TNS2: variants seen among roughly 807,000 people sequenced by gnomAD.
TNS2 encodes the protein tensin 2.
A neutral mutation model predicts 155.7 loss-of-function variants in TNS2; 77 were observed. The ratio of observed to expected loss-of-function variants is 0.49; its 90% CI spans 0.41 to 0.60. TNS2 has a LOEUF of 0.60. TNS2 is among the 20% of genes least tolerant of loss of function. TNS2 has a pLI of 0.00. For synonymous variants in TNS2, 726 were observed against 763.9 expected (o/e 0.95, Z 0.82); for missense variants, 1,703 against 1,868.8 (o/e 0.91, Z 1.64).
chr12:53,060,273 A>G lies in TNS2; in HGVS notation c.2617+15A>G. On this transcript the variant is annotated intron_variant, in intron 18 of 28. Coordinates refer to ENST00000314250, the MANE Select transcript of TNS2 (RefSeq NM_170754.4). The surrounding 1 kb of genome is among the most constrained non-coding windows in gnomAD (Gnocchi z 6.1). Reference sequence around the variant, plus strand: ...GGCATCTGCAGGTGAGGGGCACCAGAGTGCGGAGTGCCCAGGGCAGAGGAG... The same window carrying G: ...GGCATCTGCAGGTGAGGGGCACCAGGGTGCGGAGTGCCCAGGGCAGAGGAG... 6.5e-6 allele frequency: 10 copies of G among 1,537,656 alleles called. No homozygotes were observed. The highest frequency in any genetic ancestry group is 7.9e-6 in the Non-Finnish European group (9 of 1,141,912).
rs755272699 is a variant in TNS2, at chr12:53,061,836, A to G, written c.3470A>G (p.Lys1157Arg). 8.7e-6 allele frequency: 14 copies of G among 1,613,512 alleles called. No individual in the cohort carries two copies. In the Admixed American group the frequency reaches 1.2e-4, roughly 13 times the overall value. Residue 1157 changes from lysine (K) to arginine (R), a missense_variant, in exon 22 of 29, where the codon AAG (lysine) becomes AGG (arginine). Coordinates refer to ENST00000314250, the MANE Select transcript of TNS2 (RefSeq NM_170754.4). ...GCAGCCATTGCCCTGCTGAAGGACA[A>G]GGACCCTGGGGCCTTCCTGATCAGG... ...RDQAIALLKDKDPGAFLIRDS... is the reference protein window; with the variant it reads ...RDQAIALLKDRDPGAFLIRDS...
At chr12:53,056,756 G>A (rs905377279) in intron 10 of TNS2, among the ~76,000 whole-genome samples, 2 of 152,146 alleles carry the variant, frequency 1.3e-5, no homozygotes, top group African/African-American at 4.8e-5. Context: ...GTCTTTTGGG[G>A]GGATATAATT....
At chr12:53,048,161 A>T (rs139879234), upstream of TNS2, among the ~76,000 whole-genome samples, 2 of 152,166 alleles carry the variant, frequency 1.3e-5, no homozygotes, top group African/African-American at 4.8e-5. Flanking sequence ...TAGGGATCCC[A>T]TCCCTGCTTC....
intron 3 of TNS2, chr12:53,053,088 C>T (rs1233465122): frequency 2.5e-6 from 1 of 398,280 alleles, no homozygotes; most frequent in Admixed American, 3.7e-5. Context: ...GGGGCGGGGT[C>T]TCCCGGTGAA....
upstream of TNS2, among the ~76,000 whole-genome samples, chr12:53,047,301 G>T (rs1943756471): frequency 6.8e-6 from 1 of 146,054 alleles, no homozygotes; most frequent in African/African-American, 2.5e-5. Flanking sequence ...CGGGCGGGAT[G>T]GGCTGGCCCG....
upstream of TNS2, chr12:53,049,056 C>A (rs551729467): frequency 4.0e-5 from 38 of 947,262 alleles, no homozygotes; most frequent in East Asian, 9.1e-4. Flanking sequence ...GAAGATTACT[C>A]CCCCTTTTTC....
intron 4 of TNS2, 147 bp downstream of exon 4, chr12:53,053,596 T>TC: frequency 7.4e-7 from 1 of 1,350,740 alleles, no homozygotes; most frequent in Non-Finnish European, 1.0e-6. Flanking sequence ...GAAAAAACTG[T>TC]CTGAGTCCTC....
At position 53,063,054 on chromosome 12, in the gene TNS2, G is replaced by T; in HGVS notation, c.3824-35G>T. The T allele has an allele frequency of 6.6e-7, 1 of 1,507,674 alleles. No homozygotes were observed. Among genetic ancestry groups the T allele is most frequent in the South Asian group, 1.3e-5 (1 of 74,924 alleles). 93.4% of individuals were successfully genotyped at this position (1,507,674 alleles called of 1,614,324 possible). ...GCTGGTGGGGGTGGCTAGGGGATGGGCACTCCCTCCCTGACCCACTCCCTG... is the reference window on the plus strand; with the variant it reads ...GCTGGTGGGGGTGGCTAGGGGATGGTCACTCCCTCCCTGACCCACTCCCTG... On this transcript the variant is annotated intron_variant, in intron 25 of 28. Transcript: ENST00000314250. This position sits in a 1 kb window ranked among gnomAD's most constrained non-coding sequence, Gnocchi z 5.6.
At chr12:53,062,505 A>G in intron 24 of TNS2, 52 bp downstream of exon 24, 1 of 1,609,374 alleles carries the variant, frequency 6.2e-7, no homozygotes, top group East Asian at 2.2e-5. Context: ...CCTGCAGCCA[A>G]AGCAGGATCC....
At position 53,063,691 on chromosome 12, in the gene TNS2, C is replaced by T; in HGVS notation, c.4092-53C>T. On this transcript the variant is annotated intron_variant, in intron 28 of 28. Transcript: ENST00000314250. The surrounding 1 kb of genome is among the most constrained non-coding windows in gnomAD (Gnocchi z 5.6). ...TGATTTGTCTCACCAAGGCCAGCTA[C>T]ATTCCCTTGTGGAAGGAATGTTAAG... 6.2e-7 allele frequency: 1 copy of T among 1,614,094 alleles called. No homozygotes were observed. The highest frequency in any genetic ancestry group is 8.5e-7 in the Non-Finnish European group (1 of 1,179,950).
rs1225177216 is a variant in TNS2 at position 53,059,016 on chromosome 12, C to T, written c.1406-31C>T. 8 of 1,536,896 alleles carry T rather than the reference C, an allele frequency of 5.2e-6. No individual in the cohort carries two copies. The highest frequency in any genetic ancestry group is 1.9e-5 in the Admixed American group (1 of 52,026). The stretch of plus-strand genomic sequence containing the variant: ...TCTCTCCCTCCCTGTTCCCCGCTTG[C>T]CCTCCCTCCCTGATCCTCTTCCCCA... On this transcript the variant is annotated intron_variant, in intron 17 of 28. Transcript: ENST00000314250. This position sits in a 1 kb window ranked among gnomAD's most constrained non-coding sequence, Gnocchi z 4.7.
Position 53,063,006 on chromosome 12 carries a change from C to A in TNS2, c.3824-83C>A. ...TATGTGATTGTAAAGCATGTGACAG[C>A]AGTAGCTGGGGAATGTGCAAGAGCT... is the stretch of plus-strand genomic sequence containing the variant. On this transcript the variant is annotated intron_variant, in intron 25 of 28. Transcript: ENST00000314250. This position sits in a 1 kb window ranked among gnomAD's most constrained non-coding sequence, Gnocchi z 5.6. 6.8e-7 allele frequency: 1 copy of A among 1,462,690 alleles called. No homozygotes were observed. The highest frequency in any genetic ancestry group is 2.3e-5 in the East Asian group (1 of 43,588). The allele number at this position is 1,462,690 out of a possible 1,614,324, so 90.6% of individuals were successfully genotyped here.
intron 11 of TNS2, 41 bp downstream of exon 11, chr12:53,057,137 C>T: frequency 1.9e-6 from 3 of 1,581,600 alleles, no homozygotes; most frequent in Non-Finnish European, 2.6e-6. Flanking sequence ...GAGCAGCTCC[C>T]TTCATGGCTA....
Position 53,063,485 on chromosome 12 carries a change from A to G in TNS2, c.4061+68A>G, listed in dbSNP as rs1251731274. The G allele has an allele frequency of 3.8e-6, 6 of 1,574,672 alleles. No homozygotes were observed. The highest frequency in any genetic ancestry group is 2.3e-5 in the East Asian group (1 of 43,524). On this transcript the variant is annotated intron_variant, in intron 27 of 28. Coordinates refer to ENST00000314250, the MANE Select transcript of TNS2 (RefSeq NM_170754.4). This position sits in a 1 kb window ranked among gnomAD's most constrained non-coding sequence, Gnocchi z 5.6. ...CCACCAGGTCCCAGCTCCCAGCCCC[A>G]GCCCCAGCCCCGGCCCCGGCCCCCC...
In TNS2 at chr12:53,053,946, ACTGT is replaced by A. The variant is rs750313245; in HGVS notation, c.301-14_301-11del. ...GGGGTACCCAAAGAGATGTCTAGAC[ACTGT>A]CTGTTAACCACCAGGGATCCACCAA... On this transcript the variant is annotated splice_polypyrimidine_tract_variant and intron_variant, in intron 5 of 28. Coordinates refer to ENST00000314250, the MANE Select transcript of TNS2 (RefSeq NM_170754.4). 6.2e-7 allele frequency: 1 copy of A among 1,614,172 alleles called. No homozygotes were observed. Among genetic ancestry groups the A allele is most frequent in the Non-Finnish European group, 8.5e-7 (1 of 1,180,010 alleles).
At position 53,059,664 on chromosome 12, in the gene TNS2, G is replaced by C; in HGVS notation, c.2023G>C (p.Glu675Gln). The C allele has an allele frequency of 1.9e-6, 3 of 1,613,340 alleles. No individual in the cohort carries two copies. The highest frequency in any genetic ancestry group is 2.5e-6 in the Non-Finnish European group (3 of 1,179,926). The stretch of plus-strand genomic sequence containing the variant: ...TGGCTACCGCGCCCCAGGCTACCGG[G>C]AGGTGGTCATCCTGGAGGACCCTGG... ...DFGYRAPGYR[E>Q]VVILEDPGLP... The change falls in exon 18 of 29, where the codon GAG (glutamate) becomes CAG (glutamine). Residue 675 changes from glutamate to glutamine, a missense_variant. Transcript: ENST00000314250. This position sits in a 1 kb window ranked among gnomAD's most constrained non-coding sequence, Gnocchi z 4.7.
chr12:53,059,364 G>C lies in TNS2; in HGVS notation c.1723G>C (p.Gly575Arg), dbSNP rs948687430. 17 of 1,452,108 alleles carry C rather than the reference G, an allele frequency of 1.2e-5. No homozygotes were observed. The highest frequency in any genetic ancestry group is 1.5e-5 in the Non-Finnish European group (17 of 1,103,638). 90.0% of individuals were successfully genotyped at this position (1,452,108 alleles called of 1,614,324 possible). The change falls in exon 18 of 29, where the codon GGC becomes CGC. Residue 575 changes from glycine (G) to arginine (R), a missense_variant. By Grantham distance (125) the Gly-to-Arg change is moderately radical. Transcript: ENST00000314250. This position sits in a 1 kb window ranked among gnomAD's most constrained non-coding sequence, Gnocchi z 4.7. ...CGAAGAGCAGCCCACTGTGGGCGGA[G>C]GCCCCCACCTCGGAGTGTATCCAGG... The part of the protein sequence containing the change: ...DDEEQPTVGG[G>R]PHLGVYPGHR...
chr12:53,059,486 C>A lies in TNS2; in HGVS notation c.1845C>A (p.Thr615=). The A allele has an allele frequency of 6.4e-7, 1 of 1,561,448 alleles. No homozygotes were observed. The highest frequency in any genetic ancestry group is 8.6e-7 in the Non-Finnish European group (1 of 1,157,840). ...GGGGCTACTACCGGCCAGAGGGAAC[C>A]CTGGAGAGGAGGCGACTGGCCTACG... The part of the protein sequence containing the change: ...PNGGYYRPEG[T]LERRRLAYGG... The change falls in exon 18 of 29, where the codon ACC becomes ACA. Residue 615 remains threonine, a synonymous_variant. Coordinates refer to ENST00000314250, the MANE Select transcript of TNS2 (RefSeq NM_170754.4). This position sits in a 1 kb window ranked among gnomAD's most constrained non-coding sequence, Gnocchi z 4.7.
At chr12:53,057,503 G>A in intron 11 of TNS2, 64 bp from the exon 12 acceptor site, 1 of 1,232,876 alleles carries the variant, frequency 8.1e-7, no homozygotes, top group Non-Finnish European at 1.2e-6. Context: ...GTGGATGGTT[G>A]AAATGATACA....
Sources: gnomAD v4.1 joint callset for allele counts (sites outside exome capture counted in the v4.1 genomes callset) on GRCh38, gnomAD v4.1.1 for gene constraint, Gnocchi (gnomAD v3.1) non-coding constraint, MANE v1.5 for transcripts, NCBI Gene and HGNC (gene_info 2026-07-23, HGNC 2026-07-21) for gene names.